The following CNTN5 variants were observed in gnomAD, a reference collection of about 807,000 sequenced individuals.
The protein encoded by CNTN5 is contactin 5, also known as contactin-5.
Under a neutral mutation model 129.1 loss-of-function variants are expected in CNTN5, and 77 were observed. That is an observed-to-expected ratio of 0.60 (90% CI 0.50 to 0.72). The LOEUF (loss-of-function observed/expected upper bound fraction) is 0.72, where lower values mean the gene tolerates loss of function less well. CNTN5 is among the 30% of genes least tolerant of loss of function. CNTN5 has a pLI of 0.00. For synonymous variants in CNTN5, 509 were observed against 465.6 expected (o/e 1.09, Z -1.20); for missense variants, 1,478 against 1,328.8 (o/e 1.11, Z -1.75).
intron 3 of CNTN5, among the ~76,000 whole-genome samples, chr11:99,791,215 C>T (rs1435492102): frequency 6.6e-6 from 1 of 151,804 alleles, no homozygotes; most frequent in African/African-American, 2.4e-5. Flanking sequence ...TGAACTCTTT[C>T]TCCATTCTTA....
chr11:100,039,195 C>T (rs190251077), intron 9 of CNTN5, among the ~76,000 whole-genome samples: 1 of 152,314 alleles, frequency 6.6e-6, no homozygotes, highest in East Asian at 1.9e-4. Context: ...ATTTGCTTGT[C>T]TGTAAAGTAT....
chr11:99,834,674 A>C (rs1187628728), intron 4 of CNTN5, among the ~76,000 whole-genome samples: 1 of 152,190 alleles, frequency 6.6e-6, no homozygotes, highest in African/African-American at 2.4e-5. Flanking sequence ...TTATGATTTA[A>C]AAACTTTGAG....
chr11:100,001,634 C>T (rs762189930), intron 8 of CNTN5, among the ~76,000 whole-genome samples: 10 of 152,024 alleles, frequency 6.6e-5, no homozygotes, highest in Admixed American at 1.3e-4. Flanking sequence ...GGCAAAATGC[C>T]GTGCATATTA....
chr11:100,350,092 A>G (rs1952372503), intron 23 of CNTN5, among the ~76,000 whole-genome samples: 1 of 151,876 alleles, frequency 6.6e-6, no homozygotes, highest in South Asian at 2.1e-4. Flanking sequence ...CAAAAAGCAA[A>G]CCACTACAAA....
At chr11:99,389,526 A>T (rs2136183534) in intron 2 of CNTN5, among the ~76,000 whole-genome samples, 2 of 152,322 alleles carry the variant, frequency 1.3e-5, no homozygotes, top group East Asian at 3.9e-4. Flanking sequence ...GCTGATTAAC[A>T]TAAATGAATA....
chr11:99,662,334 T>A (rs1485313152), intron 3 of CNTN5, among the ~76,000 whole-genome samples: 7 of 152,198 alleles, frequency 4.6e-5, no homozygotes, highest in Non-Finnish European at 1.0e-4. Context: ...TCGACATCCA[T>A]TAAGCACTGT....
intron 2 of CNTN5, among the ~76,000 whole-genome samples, chr11:99,416,286 C>CT (rs570548103): frequency 1.3e-4 from 19 of 150,422 alleles, no homozygotes; most frequent in South Asian, 4.2e-4. Flanking sequence ...ATTCTAATGC[C>CT]TTTTTTTTTG....
chr11:99,766,937 C>T (rs1187278635), intron 3 of CNTN5, among the ~76,000 whole-genome samples: 3 of 152,040 alleles, frequency 2.0e-5, no homozygotes, highest in Non-Finnish European at 2.9e-5. Flanking sequence ...TGGCATCCTT[C>T]TTAATCTTCA....
chr11:100,038,780 A>G (rs544632876), intron 9 of CNTN5, among the ~76,000 whole-genome samples: 4 of 152,210 alleles, frequency 2.6e-5, no homozygotes, highest in Non-Finnish European at 5.9e-5. Flanking sequence ...ATCAGAGACT[A>G]GGATTGCAAC....
intron 3 of CNTN5, among the ~76,000 whole-genome samples, chr11:99,809,756 T>G (rs1396136177): frequency 1.3e-5 from 2 of 152,272 alleles, no homozygotes; most frequent in Non-Finnish European, 2.9e-5. Context: ...GAAATACATT[T>G]TGTGTAATTA....
At chr11:99,947,300 C>T (rs762486398) in intron 7 of CNTN5, among the ~76,000 whole-genome samples, 1 of 149,794 alleles carries the variant, frequency 6.7e-6, no homozygotes, top group Non-Finnish European at 1.5e-5. Flanking sequence ...AGATTTATTA[C>T]AGTGATTACA....
chr11:99,350,950 G>A (rs1565512507), intron 2 of CNTN5, among the ~76,000 whole-genome samples: 1 of 151,872 alleles, frequency 6.6e-6, no homozygotes, highest in Non-Finnish European at 1.5e-5. Flanking sequence ...CTAAAACCAA[G>A]CAGAAAGAAT....
intron 1 of CNTN5, among the ~76,000 whole-genome samples, chr11:99,171,520 C>G (rs947062437): frequency 4.6e-5 from 7 of 152,100 alleles, no homozygotes; most frequent in Non-Finnish European, 1.0e-4. Flanking sequence ...CACTGTTCCC[C>G]ATAAAAATTT....
intron 8 of CNTN5, among the ~76,000 whole-genome samples, chr11:99,997,806 C>T (rs1020793500): frequency 3.1e-4 from 47 of 152,082 alleles, no homozygotes; most frequent in Non-Finnish European, 5.4e-4. Context: ...GCTTATCCAC[C>T]ATGATCAAGT....
chr11:99,675,014 G>GTTTTA (rs572961006), intron 3 of CNTN5, among the ~76,000 whole-genome samples: 1 of 16,064 alleles, frequency 6.2e-5, no homozygotes, highest in Admixed American at 1.2e-3. Context: ...CATTTTTCTG[G>GTTTTA]TTTTGTTTTG....
At position 99,388,293 on chromosome 11, in the gene CNTN5, T is replaced by C. The variant is rs558623551; in HGVS notation, c.-71+62809T>C. Among the ~76,000 whole-genome samples the C allele has an allele frequency of 4.6e-5, 7 of 151,230 alleles. No homozygotes were observed. In the Admixed American group the frequency reaches 4.6e-4, roughly 10 times the overall value. ...AGCCGAGCATGGTGGCACACACCTGTAATCCCAGCTACTTGGGAGGCTGAG... is the reference window on the plus strand; with the variant it reads ...AGCCGAGCATGGTGGCACACACCTGCAATCCCAGCTACTTGGGAGGCTGAG... On this transcript the variant is annotated intron_variant, in intron 2 of 24. Coordinates refer to ENST00000524871, the MANE Select transcript of CNTN5 (RefSeq NM_014361.4).
At chr11:99,816,725 C>G (rs939161556) in intron 3 of CNTN5, among the ~76,000 whole-genome samples, 1 of 152,154 alleles carries the variant, frequency 6.6e-6, no homozygotes, top group Admixed American at 6.5e-5. Context: ...GCTCTCCTTT[C>G]AAAGCTGTAC....
chr11:99,861,157 C>T lies in CNTN5; in HGVS notation c.577+15895C>T, dbSNP rs537390268. ...CATTTTTAGTACAGACAGGGTTCCA[C>T]TGTATTAGCCAGGATGGTCTCAATC... On this transcript the variant is annotated intron_variant, in intron 6 of 24. Transcript: ENST00000524871. 2.0e-4 allele frequency among the ~76,000 whole-genome samples: 31 copies of T among 152,064 alleles called. No individual in the cohort carries two copies. The South Asian group carries it at 6.2e-3, about 31-fold the overall frequency.
Position 99,074,354 on chromosome 11 carries a change from T to A in CNTN5, c.-210+53084T>A, listed in dbSNP as rs2135259891. Among the ~76,000 whole-genome samples, 3 of 152,308 alleles carry A rather than the reference T, an allele frequency of 2.0e-5. No individual in the cohort carries two copies. The South Asian group carries it at 6.2e-4, about 32-fold the overall frequency. ...CTGTTCACTCTGATGATAGTTTCCT[T>A]TGCTGAGCAGAAGCTGTTTAGTTTA... On this transcript the variant is annotated intron_variant, in intron 1 of 24. Transcript: ENST00000524871.
Sources: allele counts gnomAD v4.1 joint callset (sites outside exome capture counted in the v4.1 genomes callset), GRCh38; gene constraint gnomAD v4.1.1; transcripts MANE v1.5; gene names NCBI Gene and HGNC (gene_info 2026-07-23, HGNC 2026-07-21).